Variants in MIPEP observed in about 807,000 individuals in gnomAD.
The protein encoded by MIPEP is mitochondrial intermediate peptidase.
MIPEP carries 79 observed loss-of-function variants against 90.3 expected under a neutral mutation model. The ratio of observed to expected loss-of-function variants is 0.87; its 90% CI spans 0.73 to 1.05. The LOEUF (loss-of-function observed/expected upper bound fraction) is 1.05. Among genes scored for constraint, MIPEP ranks in the 50% least tolerant of loss-of-function variants. MIPEP has a pLI of 0.00. For missense variants in MIPEP, 940 were observed against 905.6 expected (o/e 1.04, Z -0.49); for synonymous variants, 334 against 315.8 (o/e 1.06, Z -0.61).
chr13:23,886,372 G>C lies in MIPEP; in HGVS notation c.324C>G (p.Phe108Leu). 1.2e-6 allele frequency: 2 copies of C among 1,600,980 alleles called. No homozygotes were observed. Among genetic ancestry groups the C allele is most frequent in the Middle Eastern group, 3.3e-4 (2 of 6,018 alleles). ...TPPGPQTVLI[F>L]DELSDSLCRV... ...TGCATAAGGAATCCGAGAGCTCATC[G>C]AAGATCAGCACGGTCTGGGGCCCAG... Residue 108 changes from phenylalanine to leucine, a missense_variant, in exon 2 of 19, where the codon TTC becomes TTG. By Grantham distance (22) the Phe-to-Leu change is conservative. Coordinates refer to ENST00000382172, the MANE Select transcript of MIPEP (RefSeq NM_005932.4).
chr13:23,732,898 G>A (rs909190544), intron 18 of MIPEP, among the ~76,000 whole-genome samples: 2 of 152,160 alleles, frequency 1.3e-5, no homozygotes, highest in East Asian at 1.9e-4. Flanking sequence ...GAGATTTTGC[G>A]TTTCACTGTA....
intron 18 of MIPEP, among the ~76,000 whole-genome samples, chr13:23,741,825 T>A (rs9634335): frequency 0.21 from 30,758 of 148,772 alleles, 3,406 homozygotes; most frequent in East Asian, 0.43. Flanking sequence ...AAAAAAAATT[T>A]AAAAAAAAAA....
chr13:23,839,529 G>T, intron 12 of MIPEP, 120 bp downstream of exon 12: 5 of 514,822 alleles, frequency 9.7e-6, no homozygotes, highest in South Asian at 5.7e-5. Context: ...GTATATATTT[G>T]GTAACCATCA....
chr13:23,863,017 T>C (rs146701198), intron 8 of MIPEP, among the ~76,000 whole-genome samples: 4 of 152,308 alleles, frequency 2.6e-5, no homozygotes, highest in African/African-American at 9.6e-5. Context: ...CCAGGATCAT[T>C]AAAAGAAAAT....
At chr13:23,811,671 T>C (rs529127607) in intron 14 of MIPEP, among the ~76,000 whole-genome samples, 38 of 152,224 alleles carry the variant, frequency 2.5e-4, no homozygotes, top group South Asian at 8.3e-4. Flanking sequence ...AACATGATTA[T>C]TGTGGAACCT....
intron 16 of MIPEP, among the ~76,000 whole-genome samples, chr13:23,784,651 G>A (rs1180706020): frequency 6.6e-6 from 1 of 152,098 alleles, no homozygotes; most frequent in Non-Finnish European, 1.5e-5. Context: ...ATCTAATTAA[G>A]CTAAAGAGCT....
At chr13:23,787,905 C>A (rs1465395934) in intron 16 of MIPEP, among the ~76,000 whole-genome samples, 2 of 152,160 alleles carry the variant, frequency 1.3e-5, no homozygotes, top group African/African-American at 4.8e-5. Flanking sequence ...TCCACCTCAG[C>A]TGCACTCTTC....
At chr13:23,856,003 G>T (rs1429631601) in intron 10 of MIPEP, among the ~76,000 whole-genome samples, 1 of 152,170 alleles carries the variant, frequency 6.6e-6, no homozygotes, top group Non-Finnish European at 1.5e-5. Flanking sequence ...GCTTTTCATG[G>T]TTACTGGTCT....
At position 23,756,603 on chromosome 13, in the gene MIPEP, G is replaced by T; in HGVS notation, c.1986C>A (p.Arg662=). The change falls in exon 18 of 19, where the codon CGC becomes CGA. Residue 662 remains arginine, a synonymous_variant. Transcript: ENST00000382172. The part of the protein sequence containing the change: ...QDPFNRAAGE[R]YRREMLAHGG... ...CGTGGGCCAGCATCTCCCTGCGATA[G>T]CGCTCCCCGGCAGCCCTGGGGAAGA... 1 of 1,613,388 alleles carries T rather than the reference G, an allele frequency of 6.2e-7. No individual in the cohort carries two copies.
intron 14 of MIPEP, among the ~76,000 whole-genome samples, chr13:23,833,663 A>G (rs992842465): frequency 1.3e-5 from 2 of 152,272 alleles, no homozygotes. Context: ...TGGTTGTTCT[A>G]TAAGTAGATG....
chr13:23,774,283 C>A (rs1395847259), intron 16 of MIPEP, among the ~76,000 whole-genome samples: 1 of 151,980 alleles, frequency 6.6e-6, no homozygotes, highest in African/African-American at 2.4e-5. Flanking sequence ...TATCCTTATG[C>A]CAGCACCACA....
At chr13:23,813,963 AGAT>A (rs1202667887) in intron 14 of MIPEP, among the ~76,000 whole-genome samples, 2 of 152,230 alleles carry the variant, frequency 1.3e-5, no homozygotes, top group Non-Finnish European at 2.9e-5. Flanking sequence ...AACATATCTA[AGAT>A]GATAGGTAAT....
chr13:23,831,246 A>C (rs2137444345), intron 14 of MIPEP, among the ~76,000 whole-genome samples: 1 of 152,236 alleles, frequency 6.6e-6, no homozygotes, highest in African/African-American at 2.4e-5. Context: ...GATGTGAAGA[A>C]ATTGCAAATC....
intron 10 of MIPEP, among the ~76,000 whole-genome samples, chr13:23,854,063 C>T (rs543317289): frequency 1.5e-3 from 231 of 151,792 alleles, no homozygotes; most frequent in African/African-American, 4.7e-3. Context: ...CGGTGGCTCA[C>T]GCCTGTAATC....
At chr13:23,854,321 C>T (rs1869955181) in intron 10 of MIPEP, among the ~76,000 whole-genome samples, 1 of 150,268 alleles carries the variant, frequency 6.7e-6, no homozygotes, top group Non-Finnish European at 1.5e-5. Context: ...TTTGACTGAG[C>T]CATCCATTTC....
chr13:23,830,172 TGTGTGCTCCAC>T (rs1312394755), intron 14 of MIPEP, among the ~76,000 whole-genome samples: 15 of 152,312 alleles, frequency 9.8e-5, no homozygotes, highest in African/African-American at 3.6e-4. Context: ...TGGAAGAACC[TGTGTGCTCCAC>T]GTGTGCTCCA....
At chr13:23,796,589 A>AC (rs1004722848) in intron 16 of MIPEP, among the ~76,000 whole-genome samples, 1 of 151,898 alleles carries the variant, frequency 6.6e-6, no homozygotes, top group African/African-American at 2.4e-5. Flanking sequence ...TACTAAAAAA[A>AC]AAAAACAAAA....
chr13:23,760,882 CA>C (rs1952535239), intron 16 of MIPEP, among the ~76,000 whole-genome samples: 1 of 152,104 alleles, frequency 6.6e-6, no homozygotes, highest in African/African-American at 2.4e-5. Context: ...TGACTATCTA[CA>C]AAAACAGTAA....
intron 16 of MIPEP, among the ~76,000 whole-genome samples, chr13:23,789,754 C>G (rs2137374508): frequency 6.6e-6 from 1 of 152,316 alleles, no homozygotes; most frequent in African/African-American, 2.4e-5. Context: ...GGGTTTGGGG[C>G]TTTCCTCATC....
Sources: gnomAD v4.1 joint callset for allele counts (sites outside exome capture counted in the v4.1 genomes callset) on GRCh38, gnomAD v4.1.1 for gene constraint, MANE v1.5 for transcripts, NCBI Gene and HGNC (gene_info 2026-07-23, HGNC 2026-07-21) for gene names.